Variants in HDAC9 observed in about 807,000 individuals in gnomAD.
HDAC9 encodes the protein histone deacetylase 9.
A neutral mutation model predicts 139.4 loss-of-function variants in HDAC9; 41 were observed. The observed-to-expected ratio is 0.29, with a 90% CI of 0.23 to 0.38. HDAC9 has a LOEUF of 0.38. Among genes scored for constraint, HDAC9 ranks in the 10% least tolerant of loss-of-function variants. The pLI is 1.00. For missense variants in HDAC9, 1,147 were observed against 1,297.0 expected, an observed-to-expected ratio of 0.88 and a Z score of 1.78; for synonymous variants, 517 against 476.2, an observed-to-expected ratio of 1.09 and a Z score of -1.12.
intron 1 of HDAC9, among the ~76,000 whole-genome samples, chr7:18,143,708 C>G (rs1479477531): frequency 6.6e-6 from 1 of 151,280 alleles, no homozygotes; most frequent in Non-Finnish European, 1.5e-5. Flanking sequence ...ATTGCTTGAA[C>G]TCAGGAGGCA....
intron 12 of HDAC9, among the ~76,000 whole-genome samples, chr7:18,701,606 T>C (rs1318124220): frequency 6.6e-6 from 1 of 152,228 alleles, no homozygotes; most frequent in African/African-American, 2.4e-5. Flanking sequence ...ACAATGCTGT[T>C]TCAAAATTCT....
intron 1 of HDAC9, among the ~76,000 whole-genome samples, chr7:18,465,439 G>A (rs1794189991): frequency 1.3e-5 from 2 of 152,062 alleles, no homozygotes; most frequent in Admixed American, 6.6e-5. Context: ...TAAGAAAGAG[G>A]AAATACATTA....
At chr7:18,940,316 T>C (rs147026356) in intron 23 of HDAC9, among the ~76,000 whole-genome samples, 64 of 152,304 alleles carry the variant, frequency 4.2e-4, no homozygotes, top group African/African-American at 1.5e-3. Context: ...ACTATTCTTT[T>C]CAGAAATATG....
At chr7:18,278,824 G>A (rs944331477) in intron 2 of HDAC9, among the ~76,000 whole-genome samples, 1 of 152,092 alleles carries the variant, frequency 6.6e-6, no homozygotes, top group Non-Finnish European at 1.5e-5. Flanking sequence ...ACTTTGAAAA[G>A]TATGAAGAGG....
intron 1 of HDAC9, among the ~76,000 whole-genome samples, chr7:18,301,535 A>T (rs1043936060): frequency 2.6e-5 from 4 of 152,180 alleles, no homozygotes; most frequent in African/African-American, 9.6e-5. Context: ...ATAGCATAAT[A>T]CTTTCTTTCT....
intron 1 of HDAC9, among the ~76,000 whole-genome samples, chr7:18,151,003 G>A (rs1028808688): frequency 1.3e-5 from 2 of 152,016 alleles, no homozygotes; most frequent in African/African-American, 4.8e-5. Context: ...TACAGATGTT[G>A]GATTGAGCTA....
intron 2 of HDAC9, among the ~76,000 whole-genome samples, chr7:18,232,217 A>G (rs910965677): frequency 1.3e-5 from 2 of 152,094 alleles, no homozygotes; most frequent in African/African-American, 2.4e-5. Context: ...TTCCCTCAAT[A>G]TGTGTTGAGT....
At chr7:18,655,953 C>A (rs1790990345) in intron 11 of HDAC9, among the ~76,000 whole-genome samples, 1 of 151,792 alleles carries the variant, frequency 6.6e-6, no homozygotes, top group Non-Finnish European at 1.5e-5. Flanking sequence ...CAAGTAGTTT[C>A]ATGTGACAGA....
intron 1 of HDAC9, among the ~76,000 whole-genome samples, chr7:18,133,405 T>G (rs565463444): frequency 6.6e-6 from 1 of 152,284 alleles, no homozygotes; most frequent in South Asian, 2.1e-4. Flanking sequence ...GTGAGAAGAC[T>G]TGTCAAATAT....
rs1227952148 is a variant in HDAC9, at chr7:18,986,704, C to T, written c.3171-9319C>T. Among the ~76,000 whole-genome samples the T allele has an allele frequency of 2.0e-5, 3 of 152,202 alleles. No homozygotes were observed. In the East Asian group the frequency reaches 5.8e-4, roughly 29 times the overall value. Reference sequence around the variant, plus strand: ...AAGATTGATTCTTCCTACCCATGAGCATGGAATATTCTCCCATTTGTTTGT... The same window carrying T: ...AAGATTGATTCTTCCTACCCATGAGTATGGAATATTCTCCCATTTGTTTGT... On this transcript the variant is annotated intron_variant, in intron 25 of 25. Transcript: ENST00000686413.
At chr7:18,244,144 T>C (rs904229497) in intron 2 of HDAC9, among the ~76,000 whole-genome samples, 41 of 151,622 alleles carry the variant, frequency 2.7e-4, no homozygotes, top group African/African-American at 9.7e-4. Flanking sequence ...TACGAACAAG[T>C]GAACAGCTGA....
chr7:18,577,982 A>G (rs866048995), intron 2 of HDAC9, among the ~76,000 whole-genome samples: 3 of 152,114 alleles, frequency 2.0e-5, no homozygotes. Flanking sequence ...CAAAACACAC[A>G]CATCCTCCCC....
At chr7:18,625,410 A>G (rs1841409725) in intron 6 of HDAC9, among the ~76,000 whole-genome samples, 1 of 152,186 alleles carries the variant, frequency 6.6e-6, no homozygotes, top group African/African-American at 2.4e-5. Flanking sequence ...ACTTCGCACT[A>G]TTAACATTTG....
At chr7:18,348,735 T>G (rs1335096138) in intron 1 of HDAC9, among the ~76,000 whole-genome samples, 1 of 152,178 alleles carries the variant, frequency 6.6e-6, no homozygotes, top group African/African-American at 2.4e-5. Context: ...TTAGCCCTTT[T>G]AAAATTGGTG....
chr7:18,152,982 G>A (rs889503049), intron 1 of HDAC9, among the ~76,000 whole-genome samples: 2 of 152,138 alleles, frequency 1.3e-5, no homozygotes, highest in African/African-American at 4.8e-5. Flanking sequence ...AACAGCATTG[G>A]CTAGAAAAGA....
At chr7:18,403,150 G>T (rs956757788) in intron 1 of HDAC9, among the ~76,000 whole-genome samples, 2 of 152,250 alleles carry the variant, frequency 1.3e-5, no homozygotes, top group South Asian at 4.1e-4. Context: ...TATATTGACT[G>T]TGTGTACATA....
chr7:18,660,321 A>G (rs1490801635), intron 11 of HDAC9, among the ~76,000 whole-genome samples: 1 of 152,080 alleles, frequency 6.6e-6, no homozygotes, highest in Non-Finnish European at 1.5e-5. Context: ...CGGATGTCCC[A>G]TTTGTCTTTT....
chr7:18,660,137 A>C (rs1792660566), intron 11 of HDAC9, among the ~76,000 whole-genome samples: 1 of 152,192 alleles, frequency 6.6e-6, no homozygotes. Flanking sequence ...CAAATCTGGC[A>C]GGCAAGAATT....
At chr7:18,230,786 TATC>T (rs1793404753) in intron 2 of HDAC9, among the ~76,000 whole-genome samples, 1 of 152,188 alleles carries the variant, frequency 6.6e-6, no homozygotes, top group South Asian at 2.1e-4. Flanking sequence ...TTTAAAAGCC[TATC>T]ATCAACATTA....
Sources: gnomAD v4.1 joint callset for allele counts (sites outside exome capture counted in the v4.1 genomes callset) on GRCh38, gnomAD v4.1.1 for gene constraint, MANE v1.5 for transcripts, NCBI Gene and HGNC (gene_info 2026-07-23, HGNC 2026-07-21) for gene names.